Variants in ACTR3C observed in about 807,000 individuals in gnomAD.
The protein encoded by ACTR3C is actin related protein 3C.
In ACTR3C, 18 loss-of-function variants were observed where a neutral mutation model predicts 26.3. That is an observed-to-expected ratio of 0.68 (90% CI 0.47 to 1.01). ACTR3C has a LOEUF of 1.01. ACTR3C is among the 50% of genes least tolerant of loss of function. The pLI is 0.00. For missense variants in ACTR3C, 184 were observed against 250.7 expected, an observed-to-expected ratio of 0.73 and a Z score of 1.80; for synonymous variants, 55 against 94.5, an observed-to-expected ratio of 0.58 and a Z score of 2.42.
intron 6 of ACTR3C, among the ~76,000 whole-genome samples, chr7:150,273,051 A>G (rs1382210529): frequency 6.9e-6 from 1 of 145,014 alleles, no homozygotes; most frequent in Non-Finnish European, 1.5e-5. Context: ...CTAAGAAATA[A>G]AGAAAAGATG....
At chr7:150,098,118 C>G in the ACTR3C span, among the ~76,000 whole-genome samples, 2 of 151,468 alleles carry the variant, frequency 1.3e-5, no homozygotes, top group Admixed American at 1.3e-4. Context: ...AATAAGCCAC[C>G]AAATGACTAC....
the ACTR3C span, among the ~76,000 whole-genome samples, chr7:150,049,465 G>A: frequency 6.6e-6 from 1 of 152,214 alleles, no homozygotes; most frequent in Non-Finnish European, 1.5e-5. Context: ...GTAGGTCGTT[G>A]GCTTCATCTC....
the ACTR3C span, among the ~76,000 whole-genome samples, chr7:150,018,339 C>G: frequency 6.8e-6 from 1 of 146,020 alleles, no homozygotes; most frequent in Non-Finnish European, 1.5e-5. Flanking sequence ...CCACAACTGG[C>G]CCAGGCATTT....
intron 1 of ACTR3C, among the ~76,000 whole-genome samples, chr7:150,305,715 G>A (rs1173126202): frequency 6.6e-6 from 1 of 152,170 alleles, no homozygotes; most frequent in Non-Finnish European, 1.5e-5. Context: ...CAATATTGGG[G>A]AAGAGTGGAG....
chr7:149,948,807 C>T, the ACTR3C span, among the ~76,000 whole-genome samples: 4 of 151,948 alleles, frequency 2.6e-5, no homozygotes, highest in African/African-American at 9.7e-5. Context: ...TACCAGGACA[C>T]CTTCACGGTC....
chr7:150,178,495 G>C, the ACTR3C span, among the ~76,000 whole-genome samples: 1 of 150,380 alleles, frequency 6.6e-6, no homozygotes, highest in African/African-American at 2.5e-5. Context: ...TATTGGTCAG[G>C]CTGGTCTCGA....
At chr7:150,168,369 A>C in the ACTR3C span, among the ~76,000 whole-genome samples, 1 of 150,728 alleles carries the variant, frequency 6.6e-6, no homozygotes, top group Non-Finnish European at 1.5e-5. Context: ...CCTTATGAGA[A>C]TCTAATACCT....
the ACTR3C span, among the ~76,000 whole-genome samples, chr7:150,091,967 G>A: frequency 0.01 from 1,030 of 102,988 alleles, 8 homozygotes; most frequent in African/African-American, 0.012. Context: ...CAGCCTGGGC[G>A]ACAGAGCGAG....
chr7:150,314,304 G>T (rs2129616215), intron 1 of ACTR3C, among the ~76,000 whole-genome samples: 1 of 152,302 alleles, frequency 6.6e-6, no homozygotes, highest in South Asian at 2.1e-4. Context: ...GCCCTGCCAA[G>T]GATTCTTGAA....
intron 6 of ACTR3C, among the ~76,000 whole-genome samples, chr7:150,273,838 C>T (rs1232739019): frequency 6.6e-6 from 1 of 151,810 alleles, no homozygotes; most frequent in African/African-American, 2.4e-5. Context: ...GGAAAGCCCT[C>T]ACTCACCACC....
the ACTR3C span, among the ~76,000 whole-genome samples, chr7:150,039,916 C>T: frequency 7.5e-3 from 854 of 114,546 alleles, 12 homozygotes; most frequent in East Asian, 0.012. Flanking sequence ...TCCTCCCCTG[C>T]GATGAGGGTG....
the ACTR3C span, among the ~76,000 whole-genome samples, chr7:149,900,732 A>G: frequency 2.0e-5 from 3 of 152,178 alleles, no homozygotes; most frequent in Non-Finnish European, 4.4e-5. Flanking sequence ...GGAAAGATTT[A>G]AGACAATTAT....
At chr7:150,134,323 C>T in the ACTR3C span, among the ~76,000 whole-genome samples, 1 of 151,502 alleles carries the variant, frequency 6.6e-6, no homozygotes, top group Admixed American at 6.6e-5. Flanking sequence ...GGAGAAGGGG[C>T]CAAGGTGGGA....
chr7:150,159,669 G>A, the ACTR3C span, among the ~76,000 whole-genome samples: 2 of 152,166 alleles, frequency 1.3e-5, no homozygotes. Flanking sequence ...CATCTCCAAG[G>A]AAGCAAGCTG....
At chr7:150,002,589 T>TGCTA in the ACTR3C span, 2 of 152,226 alleles carry the variant, frequency 1.3e-5, no homozygotes, top group Admixed American at 6.5e-5. Context: ...AAACTGTGCA[T>TGCTA]GCTAACTGGC....
chr7:150,241,935 TGGCCAGGCGC>T (rs1427399886), downstream of ACTR3C, among the ~76,000 whole-genome samples: 4 of 152,194 alleles, frequency 2.6e-5, no homozygotes, highest in African/African-American at 7.2e-5. Context: ...TACCACTTTG[TGGCCAGGCGC>T]GGTGGCTCAC....
chr7:150,154,337 TC>T, the ACTR3C span, among the ~76,000 whole-genome samples: 4 of 152,174 alleles, frequency 2.6e-5, no homozygotes, highest in Non-Finnish European at 4.4e-5. Context: ...TAAAGACGTC[TC>T]TTTTTTTTAA....
the ACTR3C span, among the ~76,000 whole-genome samples, chr7:150,151,128 T>C: frequency 2.5e-5 from 3 of 119,718 alleles, no homozygotes; most frequent in African/African-American, 8.7e-5. Context: ...AGATAATAAT[T>C]ATTTATCTCC....
chr7:150,295,009 C>G (rs17835738), intron 2 of ACTR3C, among the ~76,000 whole-genome samples: 7,313 of 152,132 alleles, frequency 0.048, 248 homozygotes, highest in South Asian at 0.095. Context: ...GATAAAAATG[C>G]ATGAGACTTT....
Sources: allele counts gnomAD v4.1 joint callset (sites outside exome capture counted in the v4.1 genomes callset), GRCh38; gene constraint gnomAD v4.1.1; transcripts MANE v1.5; gene names NCBI Gene and HGNC (gene_info 2026-07-23, HGNC 2026-07-21).